The following SH3GL1 variants were observed in gnomAD, a reference collection of about 807,000 sequenced individuals.
SH3GL1 encodes SH3 domain containing GRB2 like 1, endophilin A2.
In SH3GL1, 21 loss-of-function variants were observed where a neutral mutation model predicts 48.8. The observed-to-expected ratio is 0.43, with a 90% CI of 0.30 to 0.62. The LOEUF (loss-of-function observed/expected upper bound fraction) is 0.62, where lower values mean the gene tolerates loss of function less well. Among genes scored for constraint, SH3GL1 ranks in the 20% least tolerant of loss-of-function variants. The pLI, the probability that SH3GL1 is intolerant of heterozygous loss-of-function variation, is 0.11. For synonymous variants in SH3GL1, 282 were observed against 217.5 expected (o/e 1.30, Z -2.61); for missense variants, 454 against 503.0 (o/e 0.90, Z 0.93).
rs1197981567 is a variant in SH3GL1, at chr19:4,367,977, C to G, written c.46-983G>C. ...CCAGGCCCTGCCACAAATGGAGGCT[C>G]CCAGAGGGAGGCCGCCTGAGGTCAC... On this transcript the variant is annotated intron_variant, in intron 1 of 9. Transcript: ENST00000269886. This position sits in a 1 kb window ranked among gnomAD's most constrained non-coding sequence, Gnocchi z 4.2. 6.6e-6 allele frequency among the ~76,000 whole-genome samples: 1 copy of G among 152,218 alleles called. No homozygotes were observed. Among genetic ancestry groups the G allele is most frequent in the African/African-American group, 2.4e-5 (1 of 41,448 alleles).
intron 1 of SH3GL1, among the ~76,000 whole-genome samples, chr19:4,374,006 G>A (rs1478211403): frequency 1.3e-5 from 2 of 152,256 alleles, no homozygotes; most frequent in Admixed American, 1.3e-4. Context: ...CCTGGCTCTT[G>A]GAGCTGGAGA....
chr19:4,372,687 C>G (rs923766133), intron 1 of SH3GL1, among the ~76,000 whole-genome samples: 2 of 152,212 alleles, frequency 1.3e-5, no homozygotes, highest in South Asian at 4.1e-4. Flanking sequence ...ACACACATGG[C>G]CACCTCGAGT....
At chr19:4,361,870 T>C in intron 9 of SH3GL1, 74 bp from the exon 10 acceptor site, 1 of 1,120,106 alleles carries the variant, frequency 8.9e-7, no homozygotes, top group East Asian at 2.4e-5. Context: ...TCAGACCTGC[T>C]GTGACCTGGA....
At chr19:4,378,420 C>G (rs1973055619) in intron 1 of SH3GL1, among the ~76,000 whole-genome samples, 1 of 152,086 alleles carries the variant, frequency 6.6e-6, no homozygotes. Flanking sequence ...GCTTTAGAAA[C>G]TACACACCAC....
chr19:4,371,105 G>A (rs1330370455), intron 1 of SH3GL1, among the ~76,000 whole-genome samples: 1 of 152,248 alleles, frequency 6.6e-6, no homozygotes, highest in African/African-American at 2.4e-5. Context: ...CCCAGAGCAT[G>A]GGACTCTTGT....
chr19:4,362,562 C>T (rs1417579208), intron 8 of SH3GL1, 50 bp downstream of exon 8: 28 of 1,610,588 alleles, frequency 1.7e-5, no homozygotes, highest in Non-Finnish European at 2.3e-5. Flanking sequence ...CCCTTGGCCA[C>T]TCCCACCCGC....
chr19:4,393,682 C>A (rs1452722101), intron 1 of SH3GL1, among the ~76,000 whole-genome samples: 4 of 151,074 alleles, frequency 2.6e-5, no homozygotes, highest in African/African-American at 7.3e-5. Context: ...CCCAGCTACT[C>A]AGGAGGCTGA....
chr19:4,366,657 C>A (rs1451475068), intron 2 of SH3GL1, 84 bp from the exon 3 acceptor site: 1 of 1,292,566 alleles, frequency 7.7e-7, no homozygotes, highest in Non-Finnish European at 1.1e-6. Context: ...CCGCCTCCTG[C>A]CCTAAGAGCC....
At chr19:4,369,376 G>A (rs1052589635) in intron 1 of SH3GL1, among the ~76,000 whole-genome samples, 54 of 152,250 alleles carry the variant, frequency 3.5e-4, no homozygotes, top group Admixed American at 1.6e-3. Flanking sequence ...CTGGGAAGCC[G>A]GGAGGAGAAC....
At chr19:4,385,863 C>A (rs1174397564) in intron 1 of SH3GL1, among the ~76,000 whole-genome samples, 1 of 152,248 alleles carries the variant, frequency 6.6e-6, no homozygotes, top group East Asian at 1.9e-4. Flanking sequence ...ACCTCCCAGA[C>A]ACCCACACTA....
chr19:4,366,051 C>G (rs183768279), intron 3 of SH3GL1, among the ~76,000 whole-genome samples: 2 of 152,268 alleles, frequency 1.3e-5, no homozygotes, highest in East Asian at 3.9e-4. Flanking sequence ...GCTGGGTGTG[C>G]GTCTGCCCCC....
Position 4,365,620 on chromosome 19 carries a change from G to T in SH3GL1, c.193C>A (p.Arg65=), listed in dbSNP as rs781544249. 10 of 1,613,964 alleles carry T rather than the reference G, an allele frequency of 6.2e-6. No homozygotes were observed. The highest frequency in any genetic ancestry group is 4.5e-5 in the East Asian group (2 of 44,886). The change falls in exon 4 of 10, where the codon CGG becomes AGG. Residue 65 remains arginine, a synonymous_variant. Coordinates refer to ENST00000269886, the MANE Select transcript of SH3GL1 (RefSeq NM_003025.4). Reference sequence around the variant, plus strand: ...GTGTTGAGCATGGTCAGCTTAGCCCGCGAGGCTGGGATAGGATGGCCAGGT... The same window carrying T: ...GTGTTGAGCATGGTCAGCTTAGCCCTCGAGGCTGGGATAGGATGGCCAGGT... ...IEYLQPNPAS[R]AKLTMLNTVS...
chr19:4,374,876 A>G (rs984845362), intron 1 of SH3GL1, among the ~76,000 whole-genome samples: 10 of 152,088 alleles, frequency 6.6e-5, no homozygotes, highest in Admixed American at 5.9e-4. Flanking sequence ...TATGGGGCCT[A>G]GGCTGGCCAG....
chr19:4,381,337 C>T (rs1186154816), intron 1 of SH3GL1, among the ~76,000 whole-genome samples: 5 of 129,942 alleles, frequency 3.8e-5, no homozygotes, highest in African/African-American at 1.5e-4. Flanking sequence ...GTCTCTCTGT[C>T]CCCTCTGCCT....
chr19:4,364,026 A>G (rs1972702226), intron 5 of SH3GL1, 62 bp downstream of exon 5: 2 of 1,607,538 alleles, frequency 1.2e-6, no homozygotes, highest in South Asian at 2.2e-5. Context: ...GGGTGGCAGG[A>G]ATGGGGCTGC....
intron 1 of SH3GL1, among the ~76,000 whole-genome samples, chr19:4,377,698 A>G (rs1973037353): frequency 6.6e-6 from 1 of 152,182 alleles, no homozygotes. Context: ...GGTCACGTGC[A>G]CTGGCTCTGG....
rs560681970 is a variant in SH3GL1, at chr19:4,364,379, G to A, written c.332-158C>T. ...CCTCAAACTGGGCTCAAGCCATGCT[G>A]GCACCTCAGCCTCCCAAGTAGCCGG... is the stretch of plus-strand genomic sequence containing the variant. On this transcript the variant is annotated intron_variant, in intron 4 of 9. Transcript: ENST00000269886. The A allele has an allele frequency of 6.3e-4, 556 of 876,532 alleles. 1 individual carries two copies. Among genetic ancestry groups the A allele is most frequent in the Non-Finnish European group, 9.1e-4 (515 of 564,054 alleles). The allele number at this position is 876,532 out of a possible 1,614,324, so 54.3% of individuals were successfully genotyped here.
chr19:4,385,992 A>G (rs1460159914), intron 1 of SH3GL1, among the ~76,000 whole-genome samples: 2 of 152,198 alleles, frequency 1.3e-5, no homozygotes, highest in African/African-American at 4.8e-5. Context: ...TTCCTAAAAT[A>G]ATAGCAGGGA....
intron 1 of SH3GL1, among the ~76,000 whole-genome samples, chr19:4,368,440 G>A (rs928049371): frequency 2.6e-5 from 4 of 152,206 alleles, no homozygotes; most frequent in African/African-American, 9.6e-5. Context: ...ACAGCCCAAG[G>A]CACCATGAGT....
Sources: allele counts gnomAD v4.1 joint callset (sites outside exome capture counted in the v4.1 genomes callset), GRCh38; gene constraint gnomAD v4.1.1; non-coding constraint Gnocchi (gnomAD v3.1); transcripts MANE v1.5; gene names NCBI Gene and HGNC (gene_info 2026-07-23, HGNC 2026-07-21).